RPSA2: variants seen among roughly 807,000 people sequenced by gnomAD.
The protein encoded by RPSA2 is small ribosomal subunit protein uS2B.
chr19:23,792,223 G>A, the RPSA2 span, among the ~76,000 whole-genome samples: 1 of 152,150 alleles, frequency 6.6e-6, no homozygotes, highest in Admixed American at 6.5e-5. Flanking sequence ...CTCTGACATG[G>A]AAATTAAAGC....
chr19:23,832,513 T>C, the RPSA2 span: 1 of 611,822 alleles, frequency 1.6e-6, no homozygotes, highest in Non-Finnish European at 2.7e-6. Context: ...ACTCAAACCT[T>C]ACTATATATA....
At chr19:23,789,077 TG>T in the RPSA2 span, among the ~76,000 whole-genome samples, 2 of 149,682 alleles carry the variant, frequency 1.3e-5, no homozygotes, top group Non-Finnish European at 3.0e-5. Flanking sequence ...CTTGGCTTAC[TG>T]CAACCTCCGC....
At chr19:23,814,498 T>C in the RPSA2 span, among the ~76,000 whole-genome samples, 1 of 152,192 alleles carries the variant, frequency 6.6e-6, no homozygotes, top group Non-Finnish European at 1.5e-5. Flanking sequence ...ATTGCTGCTT[T>C]TAATATGTTT....
the RPSA2 span, among the ~76,000 whole-genome samples, chr19:23,864,588 C>T: frequency 6.6e-6 from 1 of 152,110 alleles, no homozygotes; most frequent in Non-Finnish European, 1.5e-5. Context: ...TAATAAGTAG[C>T]TATGAATTGC....
At chr19:23,786,741 A>T in the RPSA2 span, among the ~76,000 whole-genome samples, 1 of 151,950 alleles carries the variant, frequency 6.6e-6, no homozygotes, top group Non-Finnish European at 1.5e-5. Flanking sequence ...CTGGCCTAGC[A>T]TCTAGGTGAT....
the RPSA2 span, chr19:23,827,410 C>G: frequency 6.9e-7 from 1 of 1,454,268 alleles, no homozygotes; most frequent in Non-Finnish European, 9.5e-7. Flanking sequence ...GGAATACTGG[C>G]CAGAGGGCTG....
chr19:23,843,871 C>T, the RPSA2 span, among the ~76,000 whole-genome samples: 268 of 152,170 alleles, frequency 1.8e-3, no homozygotes, highest in African/African-American at 5.8e-3. Context: ...GCGATTCTCC[C>T]GCCGCAGCCT....
chr19:23,763,300 A>G, the RPSA2 span, among the ~76,000 whole-genome samples: 853 of 152,062 alleles, frequency 5.6e-3, 5 homozygotes, highest in African/African-American at 0.019. Flanking sequence ...CACAGCCGGG[A>G]CCCCAGCGTC....
At chr19:23,799,279 A>G in the RPSA2 span, 1 of 152,226 alleles carries the variant, frequency 6.6e-6, no homozygotes, top group Non-Finnish European at 1.5e-5. Context: ...TAGAAGCCCT[A>G]TTAGTATCCC....
the RPSA2 span, chr19:23,790,772 A>G: frequency 1.4e-5 from 7 of 507,290 alleles, no homozygotes; most frequent in South Asian, 1.3e-4. Flanking sequence ...AAGCCTAGAA[A>G]TGGTGAGATT....
the RPSA2 span, among the ~76,000 whole-genome samples, chr19:23,839,457 C>T: frequency 1.3e-5 from 2 of 152,286 alleles, no homozygotes; most frequent in Non-Finnish European, 1.5e-5. Context: ...ACCCACTGCA[C>T]CCCTCACAAC....
chr19:23,822,657 T>C, the RPSA2 span, among the ~76,000 whole-genome samples: 8 of 152,152 alleles, frequency 5.3e-5, no homozygotes, highest in Admixed American at 5.2e-4. Context: ...AAATTGAAGG[T>C]GGCCTGCTTG....
the RPSA2 span, among the ~76,000 whole-genome samples, chr19:23,838,540 G>A: frequency 6.6e-6 from 1 of 151,948 alleles, no homozygotes; most frequent in Non-Finnish European, 1.5e-5. Flanking sequence ...GAATCTGTTG[G>A]ATTTTTTTTT....
chr19:23,851,296 C>A, the RPSA2 span, among the ~76,000 whole-genome samples: 2 of 152,118 alleles, frequency 1.3e-5, no homozygotes, highest in Non-Finnish European at 2.9e-5. Flanking sequence ...GGACAGTAAG[C>A]TTAGCCTCTT....
the RPSA2 span, among the ~76,000 whole-genome samples, chr19:23,841,129 T>C: frequency 6.6e-6 from 1 of 152,190 alleles, no homozygotes; most frequent in African/African-American, 2.4e-5. Context: ...CAGCACCTGA[T>C]ACCAATCTGT....
At chr19:23,854,274 G>T in the RPSA2 span, among the ~76,000 whole-genome samples, 1 of 152,092 alleles carries the variant, frequency 6.6e-6, no homozygotes, top group Admixed American at 6.5e-5. Flanking sequence ...TGAGGTAAAG[G>T]GCCAGTGACC....
the RPSA2 span, among the ~76,000 whole-genome samples, chr19:23,816,903 C>T: frequency 1.3e-5 from 2 of 152,272 alleles, no homozygotes; most frequent in East Asian, 1.9e-4. Flanking sequence ...AATTACCTTC[C>T]ACCACATCCC....
the RPSA2 span, among the ~76,000 whole-genome samples, chr19:23,789,032 T>TG: frequency 6.8e-6 from 1 of 147,538 alleles, no homozygotes; most frequent in Admixed American, 6.8e-5. Flanking sequence ...TCTTTTTTTT[T>TG]TTTTGACAGC....
the RPSA2 span, among the ~76,000 whole-genome samples, chr19:23,847,053 T>C: frequency 2.6e-5 from 4 of 152,298 alleles, no homozygotes; most frequent in African/African-American, 9.6e-5. Flanking sequence ...TCATTCTTTT[T>C]CATTTCTCTC....
Sources: gnomAD v4.1 joint callset for allele counts (sites outside exome capture counted in the v4.1 genomes callset) on GRCh38, gnomAD v4.1.1 for gene constraint, MANE v1.5 for transcripts, NCBI Gene and HGNC (gene_info 2026-07-23, HGNC 2026-07-21) for gene names.